Variants in PCDHA2 observed in about 807,000 individuals in gnomAD.
PCDHA2 encodes protocadherin alpha-2.
Under a neutral mutation model 66.0 loss-of-function variants are expected in PCDHA2, and 58 were observed. The ratio of observed to expected loss-of-function variants is 0.88; its 90% CI spans 0.71 to 1.09. The LOEUF is 1.09. Among genes scored for constraint, PCDHA2 ranks in the 50% least tolerant of loss-of-function variants. PCDHA2 has a pLI of 0.00. For synonymous variants in PCDHA2, 634 were observed against 554.0 expected, an observed-to-expected ratio of 1.14 and a Z score of -2.03; for missense variants, 1,267 against 1,242.3, an observed-to-expected ratio of 1.02 and a Z score of -0.30.
chr5:140,826,590 A>G (rs2150144335), intron 1 of PCDHA2, among the ~76,000 whole-genome samples: 1 of 152,246 alleles, frequency 6.6e-6, no homozygotes, highest in East Asian at 1.9e-4. Flanking sequence ...AATGGATAAC[A>G]TTAAGGTTAA....
intron 1 of PCDHA2, chr5:140,834,892 A>T (rs2150228741): frequency 6.2e-7 from 1 of 1,604,044 alleles, no homozygotes; most frequent in East Asian, 2.2e-5. Context: ...CTGCTCACTT[A>T]CAGACTGAGC....
chr5:140,801,557 G>C, intron 1 of PCDHA2: 6 of 1,614,242 alleles, frequency 3.7e-6, no homozygotes, highest in African/African-American at 1.3e-5. Flanking sequence ...TCCATGTGGA[G>C]GTGGAAGTGA....
intron 1 of PCDHA2, chr5:140,969,437 T>C (rs1429370144): frequency 1.8e-5 from 28 of 1,547,818 alleles, no homozygotes; most frequent in Non-Finnish European, 2.4e-5. Context: ...ACAAGAGTTA[T>C]CTGGTAAACT....
chr5:140,879,895 G>A (rs1176160335), intron 1 of PCDHA2, among the ~76,000 whole-genome samples: 2 of 152,112 alleles, frequency 1.3e-5, no homozygotes, highest in African/African-American at 4.8e-5. Context: ...TCCTCTCCAT[G>A]TCTCTCTCTA....
chr5:140,875,696 T>C (rs2055720575), intron 1 of PCDHA2: 1 of 1,613,958 alleles, frequency 6.2e-7, no homozygotes, highest in Non-Finnish European at 8.5e-7. Flanking sequence ...GGGGACCTTC[T>C]GGAGGTAAAT....
chr5:140,867,395 T>C (rs1319055963), intron 1 of PCDHA2: 1 of 152,176 alleles, frequency 6.6e-6, no homozygotes, highest in Admixed American at 6.5e-5. Context: ...TTATAAAAGT[T>C]GATATGTCTC....
chr5:140,893,954 T>C (rs115606551), intron 1 of PCDHA2, among the ~76,000 whole-genome samples: 1,862 of 152,344 alleles, frequency 0.012, 45 homozygotes, highest in African/African-American at 0.042. Flanking sequence ...CATGACTTTA[T>C]TAGTCATTAG....
chr5:140,849,583 C>T (rs2040974619), intron 1 of PCDHA2: 4 of 1,598,684 alleles, frequency 2.5e-6, no homozygotes, highest in Non-Finnish European at 3.4e-6. Flanking sequence ...AAAGAGGACG[C>T]ACAACTGGGG....
intron 1 of PCDHA2, among the ~76,000 whole-genome samples, chr5:140,939,849 G>A (rs1554212970): frequency 6.6e-6 from 1 of 152,134 alleles, no homozygotes; most frequent in Non-Finnish European, 1.5e-5. Context: ...GTTGTGTTCT[G>A]TATATGTCCA....
intron 1 of PCDHA2, among the ~76,000 whole-genome samples, chr5:140,916,824 T>C (rs1207821220): frequency 6.6e-6 from 1 of 152,124 alleles, no homozygotes; most frequent in Non-Finnish European, 1.5e-5. Context: ...GCCACCCCTA[T>C]CCCTCTGGTT....
At position 140,803,320 on chromosome 5, in the gene PCDHA2, C is replaced by G. The variant is rs782343160; in HGVS notation, c.2388+5968C>G. On this transcript the variant is annotated intron_variant, in intron 1 of 3. Coordinates refer to ENST00000526136, the MANE Select transcript of PCDHA2 (RefSeq NM_018905.3). Reference sequence around the variant, plus strand: ...TTGATCGTCGCCATCTGCGCGGTGTCCAGTCTGTTGGTGCTCACACTGCTG... The same window carrying G: ...TTGATCGTCGCCATCTGCGCGGTGTGCAGTCTGTTGGTGCTCACACTGCTG... 4 of 1,614,148 alleles carry G rather than the reference C, an allele frequency of 2.5e-6. No individual in the cohort carries two copies. In the South Asian group the frequency reaches 4.4e-5, roughly 18 times the overall value.
chr5:140,905,048 C>A (rs2153487978), intron 1 of PCDHA2, among the ~76,000 whole-genome samples: 1 of 152,186 alleles, frequency 6.6e-6, no homozygotes, highest in African/African-American at 2.4e-5. Flanking sequence ...TAATTAGGTC[C>A]CATTTATTTA....
intron 1 of PCDHA2, chr5:140,871,269 G>C (rs782046462): frequency 5.0e-6 from 8 of 1,613,822 alleles, no homozygotes; most frequent in Admixed American, 1.7e-5. Flanking sequence ...CGCTGTGGTG[G>C]TCGGCAACGC....
intron 1 of PCDHA2, among the ~76,000 whole-genome samples, chr5:140,806,247 C>T (rs1277626019): frequency 6.6e-6 from 1 of 151,976 alleles, no homozygotes; most frequent in Non-Finnish European, 1.5e-5. Flanking sequence ...TTAAAAAAAG[C>T]TATTGGAAGC....
intron 1 of PCDHA2, among the ~76,000 whole-genome samples, chr5:140,914,813 C>T (rs1346638828): frequency 6.6e-6 from 1 of 152,070 alleles, no homozygotes; most frequent in Non-Finnish European, 1.5e-5. Flanking sequence ...GGCAACTTAA[C>T]AGACTGCATA....
intron 1 of PCDHA2, among the ~76,000 whole-genome samples, chr5:140,914,272 A>G (rs1356508399): frequency 2.0e-5 from 3 of 152,212 alleles, no homozygotes; most frequent in Non-Finnish European, 4.4e-5. Context: ...GGGTGCATAT[A>G]TATTTATAAT....
intron 1 of PCDHA2, among the ~76,000 whole-genome samples, chr5:140,949,539 A>G (rs971813092): frequency 6.6e-6 from 1 of 151,744 alleles, no homozygotes; most frequent in Admixed American, 6.6e-5. Context: ...TAAAATATCG[A>G]TTTGTTGCTG....
intron 1 of PCDHA2, chr5:140,821,687 T>C: frequency 1.5e-6 from 2 of 1,378,436 alleles, no homozygotes; most frequent in Non-Finnish European, 2.0e-6. Flanking sequence ...GGCGATAATA[T>C]AAAAAATATA....
intron 1 of PCDHA2, chr5:140,967,285 G>A (rs150694611): frequency 1.9e-6 from 3 of 1,613,058 alleles, no homozygotes; most frequent in East Asian, 2.2e-5. Context: ...AGAGTGCGCA[G>A]GACCCCGACG....
Sources: allele counts gnomAD v4.1 joint callset (sites outside exome capture counted in the v4.1 genomes callset), GRCh38; gene constraint gnomAD v4.1.1; transcripts MANE v1.5; gene names NCBI Gene and HGNC (gene_info 2026-07-23, HGNC 2026-07-21).